The following CEP128 variants were observed in gnomAD, a reference collection of about 807,000 sequenced individuals.
CEP128 encodes centrosomal protein 128, also known as centrosomal protein 128kDa.
CEP128 carries 132 observed loss-of-function variants against 156.7 expected under a neutral mutation model. The ratio of observed to expected loss-of-function variants is 0.84; its 90% CI spans 0.73 to 0.97. The LOEUF (loss-of-function observed/expected upper bound fraction) is 0.97. CEP128 is among the 50% of genes least tolerant of loss of function. The pLI is 0.00. For missense variants in CEP128, 1,252 were observed against 1,281.9 expected (o/e 0.98, Z 0.36); for synonymous variants, 469 against 448.9 (o/e 1.04, Z -0.57).
At chr14:80,678,064 G>GACACAGTA (rs1896158643) in intron 19 of CEP128, among the ~76,000 whole-genome samples, 1 of 27,450 alleles carries the variant, frequency 3.6e-5, no homozygotes, top group Admixed American at 3.6e-4. Context: ...ATATATATAT[G>GACACAGTA]TATATATATA....
At position 80,596,183 on chromosome 14, in the gene CEP128, C is replaced by T. The variant is rs189236564; in HGVS notation, c.2807-15760G>A. 4.0e-4 allele frequency among the ~76,000 whole-genome samples: 61 copies of T among 151,484 alleles called. No individual in the cohort carries two copies. The East Asian group carries it at 6.4e-3, about 16-fold the overall frequency. On this transcript the variant is annotated intron_variant, in intron 19 of 24. Coordinates refer to ENST00000555265, the MANE Select transcript of CEP128 (RefSeq NM_152446.5). ...TGGTTTAAATATACCAATTAAAAGA[C>T]GGAGATCGTTAGAGTGAATTAAAGA...
At chr14:80,854,783 G>A (rs1887064877) in intron 9 of CEP128, among the ~76,000 whole-genome samples, 1 of 152,166 alleles carries the variant, frequency 6.6e-6, no homozygotes, top group African/African-American at 2.4e-5. Flanking sequence ...CCAAAACAGT[G>A]TATTAATGTG....
chr14:80,532,920 A>G (rs1289948001), intron 21 of CEP128, among the ~76,000 whole-genome samples: 1 of 152,196 alleles, frequency 6.6e-6, no homozygotes, highest in Non-Finnish European at 1.5e-5. Flanking sequence ...TGTTTCTTCA[A>G]GTTCATAAAG....
intron 18 of CEP128, among the ~76,000 whole-genome samples, chr14:80,751,617 A>G (rs1899395722): frequency 6.6e-6 from 1 of 151,440 alleles, no homozygotes; most frequent in Non-Finnish European, 1.5e-5. Context: ...CAGAGAATAA[A>G]TTTGTAAATA....
At chr14:80,742,117 G>A (rs138457927) in intron 19 of CEP128, among the ~76,000 whole-genome samples, 33 of 152,148 alleles carry the variant, frequency 2.2e-4, no homozygotes, top group Middle Eastern at 3.4e-3. Context: ...TGTTCATTAC[G>A]TCCAAATCCA....
chr14:80,504,814 T>C (rs1469834228), intron 24 of CEP128, 98 bp downstream of exon 24: 3 of 454,310 alleles, frequency 6.6e-6, no homozygotes, highest in Non-Finnish European at 1.2e-5. Context: ...CTCAGACTTA[T>C]GAATATTACT....
At chr14:80,704,086 T>G (rs546913304) in intron 19 of CEP128, among the ~76,000 whole-genome samples, 2 of 152,246 alleles carry the variant, frequency 1.3e-5, no homozygotes, top group African/African-American at 4.8e-5. Context: ...AAGATACTTA[T>G]GTAATGAGAA....
chr14:80,826,408 C>T (rs1293155509), intron 13 of CEP128, among the ~76,000 whole-genome samples: 1 of 152,082 alleles, frequency 6.6e-6, no homozygotes, highest in Non-Finnish European at 1.5e-5. Context: ...TGAAGTTGAA[C>T]ATGAAATTAC....
chr14:80,947,652 TG>T (rs1886376292), intron 2 of CEP128, among the ~76,000 whole-genome samples: 1 of 152,132 alleles, frequency 6.6e-6, no homozygotes, highest in South Asian at 2.1e-4. Flanking sequence ...ACAAATGATT[TG>T]GAAGGAAATA....
intron 19 of CEP128, among the ~76,000 whole-genome samples, chr14:80,729,244 T>C (rs1898168698): frequency 6.6e-6 from 1 of 151,952 alleles, no homozygotes; most frequent in Admixed American, 6.6e-5. Context: ...CTCCCACTTA[T>C]AAGTGAGAAC....
At chr14:80,788,585 C>A (rs574168894) in intron 14 of CEP128, among the ~76,000 whole-genome samples, 1 of 151,986 alleles carries the variant, frequency 6.6e-6, no homozygotes, top group Non-Finnish European at 1.5e-5. Context: ...CTAAAGTTTT[C>A]CTACCAGTCA....
At chr14:80,767,507 G>A (rs1245578386) in intron 16 of CEP128, among the ~76,000 whole-genome samples, 5 of 151,948 alleles carry the variant, frequency 3.3e-5, no homozygotes, top group Non-Finnish European at 5.9e-5. Flanking sequence ...AAAAATCTCC[G>A]TGGATTTACC....
chr14:80,887,193 C>T (rs1888850523), intron 8 of CEP128, among the ~76,000 whole-genome samples: 1 of 152,120 alleles, frequency 6.6e-6, no homozygotes, highest in African/African-American at 2.4e-5. Context: ...ACTTTAACAT[C>T]CCACTGTCTA....
intron 20 of CEP128, among the ~76,000 whole-genome samples, chr14:80,566,553 T>A (rs181154308): frequency 5.5e-4 from 84 of 152,164 alleles, no homozygotes; most frequent in African/African-American, 2.0e-3. Context: ...TGTAGCAACA[T>A]CAAAAAAAGC....
intron 19 of CEP128, among the ~76,000 whole-genome samples, chr14:80,607,684 C>G (rs1892840343): frequency 6.6e-6 from 1 of 152,080 alleles, no homozygotes; most frequent in Non-Finnish European, 1.5e-5. Context: ...ATGGCAGGAG[C>G]AGGCAAGTTT....
chr14:80,804,222 C>T (rs567110857), intron 13 of CEP128, among the ~76,000 whole-genome samples: 225 of 152,036 alleles, frequency 1.5e-3, no homozygotes, highest in African/African-American at 5.2e-3. Flanking sequence ...GGTATGCACA[C>T]AATTAATTAC....
intron 8 of CEP128, among the ~76,000 whole-genome samples, chr14:80,880,292 A>C (rs1205340796): frequency 6.6e-6 from 1 of 152,180 alleles, no homozygotes; most frequent in Non-Finnish European, 1.5e-5. Flanking sequence ...TTTCTTGATA[A>C]AAACTGTCAA....
At chr14:80,954,808 T>C (rs980666391) in intron 2 of CEP128, among the ~76,000 whole-genome samples, 1 of 152,230 alleles carries the variant, frequency 6.6e-6, no homozygotes, top group Non-Finnish European at 1.5e-5. Flanking sequence ...CTTCCCATCT[T>C]CCAGGGGGAA....
intron 19 of CEP128, among the ~76,000 whole-genome samples, chr14:80,640,576 A>G (rs1177995547): frequency 6.6e-6 from 1 of 152,026 alleles, no homozygotes; most frequent in Non-Finnish European, 1.5e-5. Flanking sequence ...TACCTCTCCA[A>G]TACCTCATTT....
Sources: gnomAD v4.1 joint callset for allele counts (sites outside exome capture counted in the v4.1 genomes callset) on GRCh38, gnomAD v4.1.1 for gene constraint, MANE v1.5 for transcripts, NCBI Gene and HGNC (gene_info 2026-07-23, HGNC 2026-07-21) for gene names.